NAF1: variants seen among roughly 807,000 people sequenced by gnomAD.
The protein encoded by NAF1 is nuclear assembly factor 1 ribonucleoprotein, also known as H/ACA ribonucleoprotein complex non-core subunit NAF1.
NAF1 carries 11 observed loss-of-function variants against 40.6 expected under a neutral mutation model. The observed-to-expected ratio is 0.27, with a 90% CI of 0.17 to 0.45. NAF1 has a LOEUF of 0.45. Ranked by LOEUF, NAF1 falls within the 20% of genes least tolerant of loss-of-function variation. The probability of loss-of-function intolerance (pLI) is 1.00; values close to 1 mark genes in which losing one functional copy is unlikely to be tolerated. For synonymous variants in NAF1, 260 were observed against 228.5 expected, an observed-to-expected ratio of 1.14 and a Z score of -1.24; for missense variants, 607 against 611.1, an observed-to-expected ratio of 0.99 and a Z score of 0.07.
At chr4:163,147,858 T>A (rs1263514906) in intron 3 of NAF1, among the ~76,000 whole-genome samples, 1 of 152,168 alleles carries the variant, frequency 6.6e-6, no homozygotes, top group East Asian at 1.9e-4. Flanking sequence ...GTTACATTAC[T>A]GGCCTTCAGG....
At chr4:163,113,495 T>C (rs1006276111) in intron 2 of NAF1, among the ~76,000 whole-genome samples, 1 of 152,160 alleles carries the variant, frequency 6.6e-6, no homozygotes, top group African/African-American at 2.4e-5. Context: ...CTCTCCATCA[T>C]GTTTTTGAGA....
chr4:163,128,716 T>C lies in NAF1; in HGVS notation c.*181A>G. On this transcript the variant is annotated 3_prime_UTR_variant, in exon 8 of 8. Coordinates refer to ENST00000274054, the MANE Select transcript of NAF1 (RefSeq NM_138386.3). ...TTAATGTTCTCCCAAGAATTTGAGC[T>C]GACATTTTCATATGAATACAATTTC... 1 of 1,125,782 alleles carries C rather than the reference T, an allele frequency of 8.9e-7. No individual in the cohort carries two copies. Among genetic ancestry groups the C allele is most frequent in the Non-Finnish European group, 1.1e-6 (1 of 884,834 alleles). 69.7% of individuals were successfully genotyped at this position (1,125,782 alleles called of 1,614,324 possible).
In NAF1 at chr4:163,160,046, C is replaced by T. The variant is rs1732153343; in HGVS notation, c.540+4171G>A. Among the ~76,000 whole-genome samples the T allele has an allele frequency of 2.0e-5, 3 of 152,270 alleles. No homozygotes were observed. In the East Asian group the frequency reaches 5.8e-4, roughly 29 times the overall value. Reference sequence around the variant, plus strand: ...AATGAAGAGTTCAGAGCATCAACTGCTGATAAAATTGTTTAAAAAGAATCT... The same window carrying T: ...AATGAAGAGTTCAGAGCATCAACTGTTGATAAAATTGTTTAAAAAGAATCT... On this transcript the variant is annotated intron_variant, in intron 2 of 7. Transcript: ENST00000274054.
intron 5 of NAF1, 66 bp from the exon 6 acceptor site, chr4:163,137,316 A>C: frequency 6.6e-7 from 1 of 1,507,188 alleles, no homozygotes; most frequent in East Asian, 2.4e-5. Flanking sequence ...CTCATAACTT[A>C]AAAGTACAGA....
At chr4:163,111,228 G>A (rs1730151394) in intron 2 of NAF1, among the ~76,000 whole-genome samples, 1 of 152,066 alleles carries the variant, frequency 6.6e-6, no homozygotes, top group South Asian at 2.1e-4. Flanking sequence ...GGAAGTAATT[G>A]AATACCAGAG....
At chr4:163,151,559 G>T (rs1173996353) in intron 2 of NAF1, among the ~76,000 whole-genome samples, 4 of 151,942 alleles carry the variant, frequency 2.6e-5, no homozygotes, top group Non-Finnish European at 5.9e-5. Flanking sequence ...ATATATTTGG[G>T]TTTTTTACTG....
chr4:163,118,876 G>C (rs1274230337), intron 2 of NAF1, among the ~76,000 whole-genome samples: 2 of 152,222 alleles, frequency 1.3e-5, no homozygotes, highest in Non-Finnish European at 2.9e-5. Context: ...ATGTGAAAAA[G>C]TACCTGGATG....
chr4:163,149,283 C>A (rs554971609), intron 2 of NAF1, among the ~76,000 whole-genome samples: 1 of 152,244 alleles, frequency 6.6e-6, no homozygotes, highest in African/African-American at 2.4e-5. Flanking sequence ...AGTGCAAAGA[C>A]CCTACCAATG....
intron 2 of NAF1, chr4:163,119,764 A>G (rs1730462268): frequency 6.6e-6 from 1 of 152,240 alleles, no homozygotes; most frequent in Non-Finnish European, 1.5e-5. Context: ...ACTAATAAAA[A>G]TAAATATGGA....
chr4:163,140,076 T>G, intron 5 of NAF1, 147 bp downstream of exon 5: 1 of 583,272 alleles, frequency 1.7e-6, no homozygotes, highest in Non-Finnish European at 2.7e-6. Flanking sequence ...GAAAATAAAT[T>G]GTAGGCTTCA....
chr4:163,146,383 A>G (rs1731470468), intron 3 of NAF1, among the ~76,000 whole-genome samples: 1 of 152,202 alleles, frequency 6.6e-6, no homozygotes, highest in African/African-American at 2.4e-5. Context: ...TTATCATTAC[A>G]TGAAAATTCC....
chr4:163,114,568 A>C (rs750599180), intron 2 of NAF1, among the ~76,000 whole-genome samples: 26 of 152,226 alleles, frequency 1.7e-4, no homozygotes, highest in Non-Finnish European at 2.9e-4. Flanking sequence ...TATTCCTGGA[A>C]TAAGTCCCAC....
intron 4 of NAF1, chr4:163,144,040 T>G: frequency 1.0e-6 from 1 of 975,924 alleles, no homozygotes; most frequent in Non-Finnish European, 1.2e-6. Flanking sequence ...TACAGAGTCC[T>G]CTAGAAAATC....
rs1732471121 is a variant in NAF1 at position 163,166,432 on chromosome 4, G to A, written c.296C>T (p.Pro99Leu). Reference sequence around the variant, plus strand: ...CGCCCGCGCAGGCTCTGCGGCTCCTGGGGAGGTGACGCAGTCTCCGCAGGC... The same window carrying A: ...CGCCCGCGCAGGCTCTGCGGCTCCTAGGGAGGTGACGCAGTCTCCGCAGGC... ...SPACGDCVTS[P>L]GAAEPARAPD... The change falls in exon 1 of 8, where the codon CCA (proline) becomes CTA (leucine). Residue 99 changes from proline to leucine, a missense_variant. By Grantham distance (98) the Pro-to-Leu change is moderately conservative. Transcript: ENST00000274054. 2.5e-6 allele frequency: 4 copies of A among 1,607,756 alleles called. No individual in the cohort carries two copies. In the African/African-American group the frequency reaches 4.0e-5, roughly 16 times the overall value.
chr4:163,106,118 TG>T (rs1458796650), downstream of NAF1, among the ~76,000 whole-genome samples: 1 of 152,182 alleles, frequency 6.6e-6, no homozygotes, highest in Non-Finnish European at 1.5e-5. Flanking sequence ...AGGCCTCATT[TG>T]GATTTGAACC....
intron 3 of NAF1, among the ~76,000 whole-genome samples, chr4:163,147,880 G>C (rs1731536120): frequency 6.6e-6 from 1 of 152,122 alleles, no homozygotes; most frequent in Non-Finnish European, 1.5e-5. Flanking sequence ...TGAAGAAAGA[G>C]AGCCAAAAGT....
At position 163,140,415 on chromosome 4, in the gene NAF1, A is replaced by G. The variant is rs368638958; in HGVS notation, c.718-32T>C. 14 of 1,547,040 alleles carry G rather than the reference A, an allele frequency of 9.0e-6. 1 individual carries two copies. Among genetic ancestry groups the G allele is most frequent in the Admixed American group, 4.1e-5 (2 of 48,250 alleles). On this transcript the variant is annotated intron_variant, in intron 4 of 7. Transcript: ENST00000274054. ...TAGAAACATAAAGGCCTCTTTTAAC[A>G]TGTAAAATAACTATTTGAAAAGTCA...
At chr4:163,118,721 C>T (rs556214590) in intron 2 of NAF1, among the ~76,000 whole-genome samples, 83 of 152,194 alleles carry the variant, frequency 5.5e-4, no homozygotes, top group Middle Eastern at 3.4e-3. Flanking sequence ...CCATTGCACT[C>T]CAGGCTGGGC....
chr4:163,126,742 T>C (rs1264443555), downstream of NAF1: 1 of 325,508 alleles, frequency 3.1e-6, no homozygotes, highest in East Asian at 6.4e-5. Context: ...TACACAGAAA[T>C]CTTTGGTGAA....
Sources: allele counts gnomAD v4.1 joint callset (sites outside exome capture counted in the v4.1 genomes callset), GRCh38; gene constraint gnomAD v4.1.1; transcripts MANE v1.5; gene names NCBI Gene and HGNC (gene_info 2026-07-23, HGNC 2026-07-21).